CD59: variants seen among roughly 807,000 people sequenced by gnomAD.
CD59 encodes CD59 glycoprotein.
CD59 carries 3 observed loss-of-function variants against 7.0 expected under a neutral mutation model. That is an observed-to-expected ratio of 0.43 (90% CI 0.19 to 1.10). The LOEUF (loss-of-function observed/expected upper bound fraction) is 1.10, where lower values mean the gene tolerates loss of function less well. Ranked by LOEUF, CD59 falls within the 50% of genes least tolerant of loss-of-function variation. CD59 has a pLI of 0.29. For synonymous variants in CD59, 60 were observed against 62.0 expected, an observed-to-expected ratio of 0.97 and a Z score of 0.15; for missense variants, 143 against 151.0, an observed-to-expected ratio of 0.95 and a Z score of 0.28.
chr11:33,716,092 A>G (rs1853777497), intron 3 of CD59, among the ~76,000 whole-genome samples: 1 of 152,196 alleles, frequency 6.6e-6, no homozygotes, highest in Non-Finnish European at 1.5e-5. Flanking sequence ...GTGAATGAAT[A>G]TGGTCTTCCA....
In CD59 at chr11:33,708,914, G is replaced by T. The variant is rs1853426894; in HGVS notation, c.*1212C>A. The T allele has an allele frequency of 6.6e-6, 1 of 151,984 alleles. No individual in the cohort carries two copies. Among genetic ancestry groups the T allele is most frequent in the Non-Finnish European group, 1.5e-5 (1 of 68,008 alleles). 9.4% of individuals were successfully genotyped at this position (151,984 alleles called of 1,614,324 possible). ...AGGGTTTTTTTTCAACATTAATCAAGAAATTCCTCCATCTGCAAAAGTCAG... is the reference window on the plus strand; with the variant it reads ...AGGGTTTTTTTTCAACATTAATCAATAAATTCCTCCATCTGCAAAAGTCAG... On this transcript the variant is annotated 3_prime_UTR_variant, in exon 4 of 4. Transcript: ENST00000642928.
chr11:33,730,034 A>T (rs1854369852), intron 1 of CD59, among the ~76,000 whole-genome samples: 1 of 152,162 alleles, frequency 6.6e-6, no homozygotes, highest in African/African-American at 2.4e-5. Flanking sequence ...AATATTTTTT[A>T]AAATTAAGAA....
chr11:33,722,609 C>T, intron 1 of CD59, 146 bp from the exon 2 acceptor site: 1 of 1,510,098 alleles, frequency 6.6e-7, no homozygotes, highest in South Asian at 1.2e-5. Flanking sequence ...GGGCCATGCC[C>T]CAGCTCTGAC....
At position 33,707,645 on chromosome 11, in the gene CD59, G is replaced by C. The variant is rs900033839; in HGVS notation, c.*2481C>G. 1 of 152,344 alleles carries C rather than the reference G, an allele frequency of 6.6e-6. No homozygotes were observed. Among genetic ancestry groups the C allele is most frequent in the African/African-American group, 2.4e-5 (1 of 41,574 alleles). The allele number at this position is 152,344 out of a possible 1,614,324, so 9.4% of individuals were successfully genotyped here. On this transcript the variant is annotated 3_prime_UTR_variant, in exon 4 of 4. Coordinates refer to ENST00000642928, the MANE Select transcript of CD59 (RefSeq NM_000611.6). ...GAGCCAGTAGGCATGACTGGTGTTCGATTCCTAACTCCCCTGCTCCCTGGT... is the reference window on the plus strand; with the variant it reads ...GAGCCAGTAGGCATGACTGGTGTTCCATTCCTAACTCCCCTGCTCCCTGGT...
chr11:33,728,509 CA>C (rs1302376172), intron 1 of CD59, among the ~76,000 whole-genome samples: 2 of 152,126 alleles, frequency 1.3e-5, no homozygotes, highest in African/African-American at 4.8e-5. Flanking sequence ...ACACCTTACA[CA>C]AAAGTTAACT....
intron 1 of CD59, among the ~76,000 whole-genome samples, chr11:33,734,150 C>G (rs1289025676): frequency 6.6e-6 from 1 of 152,232 alleles, no homozygotes; most frequent in Admixed American, 6.5e-5. Flanking sequence ...AATACCTGCT[C>G]TAGCCATGCC....
intron 1 of CD59, among the ~76,000 whole-genome samples, chr11:33,730,831 T>C (rs1017408450): frequency 6.6e-6 from 1 of 152,176 alleles, no homozygotes. Flanking sequence ...AAAAAAGTCA[T>C]GATGTTACCA....
chr11:33,720,233 A>G (rs1474071867), intron 2 of CD59, among the ~76,000 whole-genome samples: 1 of 152,240 alleles, frequency 6.6e-6, no homozygotes, highest in Non-Finnish European at 1.5e-5. Context: ...GAAAACTAAG[A>G]CTAAGATGTT....
At chr11:33,733,896 G>A (rs1291585647) in intron 1 of CD59, among the ~76,000 whole-genome samples, 1 of 152,216 alleles carries the variant, frequency 6.6e-6, no homozygotes, top group Admixed American at 6.5e-5. Context: ...ACAGACTGAA[G>A]AATTTTAAGG....
rs1398278735 is a variant in CD59, at chr11:33,706,306, T to A, written c.*3820A>T. ...TAAATAAGATTATCCATTACAAAAA[T>A]TTTATATTGAATAACCTGTAAGTAA... is the stretch of plus-strand genomic sequence containing the variant. On this transcript the variant is annotated 3_prime_UTR_variant, in exon 4 of 4. Coordinates refer to ENST00000642928, the MANE Select transcript of CD59 (RefSeq NM_000611.6). 6.6e-6 allele frequency: 1 copy of A among 152,110 alleles called. No homozygotes were observed. Among genetic ancestry groups the A allele is most frequent in the Non-Finnish European group, 1.5e-5 (1 of 68,022 alleles). 9.4% of individuals were successfully genotyped at this position (152,110 alleles called of 1,614,324 possible).
chr11:33,706,826 AAG>A lies in CD59; in HGVS notation c.*3298_*3299del, dbSNP rs1174287514. The A allele has an allele frequency of 6.6e-6, 1 of 152,224 alleles. No homozygotes were observed. Among genetic ancestry groups the A allele is most frequent in the East Asian group, 1.9e-4 (1 of 5,204 alleles). The allele number at this position is 152,224 out of a possible 1,614,324, so 9.4% of individuals were successfully genotyped here. On this transcript the variant is annotated 3_prime_UTR_variant, in exon 4 of 4. Transcript: ENST00000642928. Reference sequence around the variant, plus strand: ...ATTGCACTTTGTTTTCTTTTCCAAAAAGAGGCAGAAACTGATTTCTTCAAAGT... The same window carrying A: ...ATTGCACTTTGTTTTCTTTTCCAAAAAGGCAGAAACTGATTTCTTCAAAGT...
rs1052915582 is a variant in CD59, at chr11:33,708,871, T to A, written c.*1255A>T. The A allele has an allele frequency of 5.3e-5, 8 of 152,180 alleles. No individual in the cohort carries two copies. Among genetic ancestry groups the A allele is most frequent in the African/African-American group, 1.9e-4 (8 of 41,442 alleles). 9.4% of individuals were successfully genotyped at this position (152,180 alleles called of 1,614,324 possible). A position where few individuals can be genotyped will look rare whatever the true frequency, so the allele number is the denominator to read the frequency against. On this transcript the variant is annotated 3_prime_UTR_variant, in exon 4 of 4. Transcript: ENST00000642928. ...AGCATCATTCATTGCACTCGGTTTG[T>A]CCAACAGAGTATAATCAAGGGTTTT... is the stretch of plus-strand genomic sequence containing the variant.
intron 1 of CD59, among the ~76,000 whole-genome samples, chr11:33,723,181 C>T (rs1854145938): frequency 6.6e-6 from 1 of 152,176 alleles, no homozygotes; most frequent in Non-Finnish European, 1.5e-5. Flanking sequence ...TCTCCCAACT[C>T]CAATCCTACA....
chr11:33,713,761 C>T (rs766231697), intron 3 of CD59, among the ~76,000 whole-genome samples: 10 of 152,182 alleles, frequency 6.6e-5, no homozygotes, highest in Admixed American at 1.3e-4. Flanking sequence ...TGTCGTGCAG[C>T]GTACCAAAGT....
At chr11:33,713,755 G>A (rs982383632) in intron 3 of CD59, among the ~76,000 whole-genome samples, 3 of 152,270 alleles carry the variant, frequency 2.0e-5, no homozygotes, top group African/African-American at 4.8e-5. Context: ...ACTATGTGTC[G>A]TGCAGCGTAC....
intron 1 of CD59, among the ~76,000 whole-genome samples, chr11:33,724,192 T>A (rs990503327): frequency 1.3e-5 from 2 of 152,170 alleles, no homozygotes; most frequent in African/African-American, 4.8e-5. Context: ...CTGACTCGGG[T>A]TAGGCACTGG....
intron 2 of CD59, among the ~76,000 whole-genome samples, chr11:33,721,882 T>G (rs897245131): frequency 6.6e-6 from 1 of 152,198 alleles, no homozygotes; most frequent in Non-Finnish European, 1.5e-5. Context: ...GAGGATTAAA[T>G]AAGCAAATAC....
rs147735418 is a variant in CD59, at chr11:33,711,966, A to T, written c.170-1623T>A. Reference sequence around the variant, plus strand: ...AATTTGGCATTTCTGCAAAAAGTTAAAGATAGAGTTATCCATTTGACTGAG... The same window carrying T: ...AATTTGGCATTTCTGCAAAAAGTTATAGATAGAGTTATCCATTTGACTGAG... On this transcript the variant is annotated intron_variant, in intron 3 of 3. Coordinates refer to ENST00000642928, the MANE Select transcript of CD59 (RefSeq NM_000611.6). 4.4e-3 allele frequency among the ~76,000 whole-genome samples: 672 copies of T among 152,286 alleles called. 8 individuals carry two copies. Among genetic ancestry groups the T allele is most frequent in the African/African-American group, 0.016 (653 of 41,558 alleles).
In CD59 at chr11:33,717,416, G is replaced by A. The variant is rs577673753; in HGVS notation, c.123C>T (p.Ala41=). ...CATCAAAATCAGATGAACAATTGAC[G>A]GCTGTTTTGCAGTCAGCAGTTGGGT... ...CPNPTADCKT[A]VNCSSDFDAC... The change falls in exon 3 of 4, where the codon GCC becomes GCT. Residue 41 remains alanine, a synonymous_variant. Coordinates refer to ENST00000642928, the MANE Select transcript of CD59 (RefSeq NM_000611.6). 15 of 1,613,520 alleles carry A rather than the reference G, an allele frequency of 9.3e-6. No homozygotes were observed. Among genetic ancestry groups the A allele is most frequent in the South Asian group, 7.7e-5 (7 of 91,052 alleles).
Sources: gnomAD v4.1 joint callset for allele counts (sites outside exome capture counted in the v4.1 genomes callset) on GRCh38, gnomAD v4.1.1 for gene constraint, MANE v1.5 for transcripts, NCBI Gene and HGNC (gene_info 2026-07-23, HGNC 2026-07-21) for gene names.